USH1C: variants seen among roughly 807,000 people sequenced by gnomAD.
USH1C encodes USH1 protein network component harmonin.
In USH1C, 90 loss-of-function variants were observed where a neutral mutation model predicts 119.3. The observed-to-expected ratio is 0.75, with a 90% confidence interval of 0.64 to 0.90. The LOEUF is 0.90. Among genes scored for constraint, USH1C ranks in the 40% least tolerant of loss-of-function variants. The probability of loss-of-function intolerance (pLI) is 0.00; values close to 1 mark genes in which losing one functional copy is unlikely to be tolerated. For synonymous variants in USH1C, 465 were observed against 443.3 expected, an observed-to-expected ratio of 1.05 and a Z score of -0.62; for missense variants, 1,165 against 1,167.7, an observed-to-expected ratio of 1.00 and a Z score of 0.03.
intron 1 of USH1C, among the ~76,000 whole-genome samples, chr11:17,534,083 G>C (rs548679515): frequency 2.2e-4 from 33 of 152,362 alleles, no homozygotes; most frequent in African/African-American, 7.7e-4. Flanking sequence ...ACCTCAGTGT[G>C]AATCTCTACA....
rs886048058 is a variant in USH1C at position 17,494,192 on chromosome 11, G to A, written c.*140C>T. ...CCGAGCTGTTCCTTATCTGGCCCTG[G>A]TTCAGGGCCAAAGGGAGTTTGAGAT... On this transcript the variant is annotated 3_prime_UTR_variant, in exon 27 of 27. Transcript: ENST00000005226. 2 of 1,102,060 alleles carry A rather than the reference G, an allele frequency of 1.8e-6. No individual in the cohort carries two copies. Among genetic ancestry groups the A allele is most frequent in the African/African-American group, 1.6e-5 (1 of 64,054 alleles). The allele number at this position is 1,102,060 out of a possible 1,614,324, so 68.3% of individuals were successfully genotyped here.
At chr11:17,513,318 C>T (rs1211632647) in intron 15 of USH1C, among the ~76,000 whole-genome samples, 1 of 152,084 alleles carries the variant, frequency 6.6e-6, no homozygotes, top group Non-Finnish European at 1.5e-5. Flanking sequence ...AGGAGGAAAC[C>T]CCCTGTTCAC....
In USH1C at chr11:17,527,331, C is replaced by T. The variant is rs55843567; in HGVS notation, c.388G>A (p.Val130Ile). Residue 130 changes from valine (V) to isoleucine (I), a missense_variant and splice_region_variant, in exon 5 of 27, where the codon GTA (valine) becomes ATA (isoleucine). Coordinates refer to ENST00000005226, the MANE Select transcript of USH1C (RefSeq NM_153676.4). ...GGQADSVGLQVGDEIVRINGY... is the reference protein window; with the variant it reads ...GGQADSVGLQIGDEIVRINGY... ...TTGATCCGGACGATCTCGTCCCCTA[C>T]CTTGACCACAGAGAGAGGCAGGGAG... is the stretch of plus-strand genomic sequence containing the variant. 3,646 of 1,610,172 alleles carry T rather than the reference C, an allele frequency of 2.3e-3. 76 individuals carry two copies. In the African/African-American group the frequency reaches 0.044, roughly 20 times the overall value.
Position 17,531,322 on chromosome 11 carries a change from C to A in USH1C, c.249-30G>T. 1.2e-6 allele frequency: 2 copies of A among 1,614,110 alleles called. No homozygotes were observed. The highest frequency in any genetic ancestry group is 1.7e-6 in the Non-Finnish European group (2 of 1,180,020). On this transcript the variant is annotated intron_variant, in intron 3 of 26. Transcript: ENST00000005226. This position sits in a 1 kb window ranked among gnomAD's most constrained non-coding sequence, Gnocchi z 4.2. ...CACACAGGAGAGGTCGGTGATGGTG[C>A]AGCTTGGCTGCCAGCACTGCCCCGC...
rs1156833982 is a variant in USH1C at position 17,496,791 on chromosome 11, G to A, written c.2513C>T (p.Ala838Val). The change falls in exon 25 of 27, where the codon GCC becomes GTC. Residue 838 changes from alanine to valine, a missense_variant. Physicochemically the swap from Ala to Val is moderately conservative, Grantham distance 64. Coordinates refer to ENST00000005226, the MANE Select transcript of USH1C (RefSeq NM_153676.4). Reference protein sequence around the residue: ...QGGDWIDLVVAVCPPKEYDDE... With the variant: ...QGGDWIDLVVVVCPPKEYDDE... ...GTCATACTCCTTTGGGGGGCAGACG[G>A]CAACCACAAGGTCGATCCAGTCCTG... is the stretch of plus-strand genomic sequence containing the variant. The A allele has an allele frequency of 1.9e-6, 3 of 1,614,186 alleles. No individual in the cohort carries two copies. Among genetic ancestry groups the A allele is most frequent in the Non-Finnish European group, 2.5e-6 (3 of 1,180,008 alleles).
intron 18 of USH1C, among the ~76,000 whole-genome samples, chr11:17,507,948 C>G (rs1360471395): frequency 6.6e-6 from 1 of 152,186 alleles, no homozygotes; most frequent in African/African-American, 2.4e-5. Context: ...ATAGCAGAAG[C>G]CTGCCTGGGC....
At chr11:17,534,867 C>A (rs1851166035) in intron 1 of USH1C, among the ~76,000 whole-genome samples, 2 of 100,230 alleles carry the variant, frequency 2.0e-5, no homozygotes, top group Non-Finnish European at 2.2e-5. Flanking sequence ...GAGCGAGACT[C>A]CATCTCAAAA....
chr11:17,499,126 C>A (rs1591958032), intron 23 of USH1C, among the ~76,000 whole-genome samples: 1 of 152,346 alleles, frequency 6.6e-6, no homozygotes, highest in East Asian at 1.9e-4. Context: ...AAGAGGTAGA[C>A]AGATTGTGCG....
At chr11:17,507,728 G>T (rs554825020) in intron 18 of USH1C, among the ~76,000 whole-genome samples, 1 of 152,312 alleles carries the variant, frequency 6.6e-6, no homozygotes, top group South Asian at 2.1e-4. Flanking sequence ...CTAGTAAGTG[G>T]CACAGCCAGG....
chr11:17,531,814 C>T lies in USH1C; in HGVS notation c.105-272G>A, dbSNP rs113481352. 6.6e-6 allele frequency among the ~76,000 whole-genome samples: 1 copy of T among 152,222 alleles called. No individual in the cohort carries two copies. On this transcript the variant is annotated intron_variant, in intron 2 of 26. Coordinates refer to ENST00000005226, the MANE Select transcript of USH1C (RefSeq NM_153676.4). The surrounding 1 kb of genome is among the most constrained non-coding windows in gnomAD (Gnocchi z 4.2). ...GGATTTCAAACTCAGCGCTGCCTAT[C>T]TCGGCTGTTGGGATCTTTCCAGAGG...
At chr11:17,521,657 T>C (rs1401755874) in intron 12 of USH1C, among the ~76,000 whole-genome samples, 1 of 152,066 alleles carries the variant, frequency 6.6e-6, no homozygotes, top group East Asian at 1.9e-4. Flanking sequence ...CAGATCCATG[T>C]GAAGGCCACA....
intron 14 of USH1C, among the ~76,000 whole-genome samples, chr11:17,517,162 G>A (rs531797802): frequency 1.3e-5 from 2 of 152,298 alleles, no homozygotes; most frequent in Non-Finnish European, 2.9e-5. Flanking sequence ...AAATATTCGA[G>A]CCAGCGGTTC....
chr11:17,497,565 C>T (rs992571291), intron 24 of USH1C, among the ~76,000 whole-genome samples: 1 of 152,222 alleles, frequency 6.6e-6, no homozygotes, highest in African/African-American at 2.4e-5. Context: ...GTCCCAGGCC[C>T]ATCTGGTCAG....
rs779778068 is a variant in USH1C at position 17,531,144 on chromosome 11, G to A, written c.387+10C>T. Reference sequence around the variant, plus strand: ...CCTCGCTCCCCCTCCCCCGGACTCTGTTTGCTCACCTGGAGCCCGACGCTG... The same window carrying A: ...CCTCGCTCCCCCTCCCCCGGACTCTATTTGCTCACCTGGAGCCCGACGCTG... On this transcript the variant is annotated intron_variant, in intron 4 of 26. Transcript: ENST00000005226. This position sits in a 1 kb window ranked among gnomAD's most constrained non-coding sequence, Gnocchi z 4.2. The A allele has an allele frequency of 1.9e-6, 3 of 1,613,994 alleles. No homozygotes were observed. The highest frequency in any genetic ancestry group is 3.3e-5 in the Admixed American group (2 of 60,022).
chr11:17,495,478 A>T, intron 26 of USH1C, 91 bp downstream of exon 26: 1 of 1,334,762 alleles, frequency 7.5e-7, no homozygotes, highest in Non-Finnish European at 1.1e-6. Flanking sequence ...TCCAGACGCC[A>T]GTCCAAAGAA....
In USH1C at chr11:17,509,413, G is replaced by A. The variant is rs773963339; in HGVS notation, c.1956C>T (p.His652=). 6.2e-7 allele frequency: 1 copy of A among 1,604,756 alleles called. No homozygotes were observed. Among genetic ancestry groups the A allele is most frequent in the Non-Finnish European group, 8.5e-7 (1 of 1,173,574 alleles). The change falls in exon 18 of 27, where the codon CAC becomes CAT. Residue 652 remains histidine, a synonymous_variant. Transcript: ENST00000005226. ...NPVEDWEAKN[H]SGKPTNSPVP... is the part of the protein sequence containing the mutation. ...CAGGGGAGTTAGTGGGCTTCCCACTGTGGTTCTTTGCCTCCCAGTCCTCCA... is the reference window on the plus strand; with the variant it reads ...CAGGGGAGTTAGTGGGCTTCCCACTATGGTTCTTTGCCTCCCAGTCCTCCA...
intron 15 of USH1C, among the ~76,000 whole-genome samples, chr11:17,513,681 A>G (rs1850002668): frequency 6.6e-6 from 1 of 152,146 alleles, no homozygotes; most frequent in Non-Finnish European, 1.5e-5. Context: ...TGATAGATGA[A>G]TCCCTGCCAT....
Position 17,544,414 on chromosome 11 carries a change from G to C in USH1C, c.-107C>G. ...CGCGACCGGGCCAGCCGCCCTCGGA[G>C]CTGGGGGCGGGGCCTGAGCGCGGAG... On this transcript the variant is annotated 5_prime_UTR_variant, in exon 1 of 27. Coordinates refer to ENST00000005226, the MANE Select transcript of USH1C (RefSeq NM_153676.4). 2.0e-6 allele frequency: 3 copies of C among 1,521,264 alleles called. No homozygotes were observed. In the South Asian group the frequency reaches 3.5e-5, roughly 18 times the overall value. The allele number at this position is 1,521,264 out of a possible 1,614,324, so 94.2% of individuals were successfully genotyped here. A position where few individuals can be genotyped will look rare whatever the true frequency, so the allele number is the denominator to read the frequency against.
chr11:17,543,942 G>A lies in USH1C; in HGVS notation c.36+330C>T, dbSNP rs572340869. Among the ~76,000 whole-genome samples the A allele has an allele frequency of 3.0e-3, 450 of 152,344 alleles. 3 individuals are homozygous for A. Among genetic ancestry groups the A allele is most frequent in the African/African-American group, 9.2e-3 (383 of 41,584 alleles). ...GCTGGGGGCACTAGGAAGGAGAGGGGCTTGCCCACAAAGGGGGCACCTCAG... is the reference window on the plus strand; with the variant it reads ...GCTGGGGGCACTAGGAAGGAGAGGGACTTGCCCACAAAGGGGGCACCTCAG... On this transcript the variant is annotated intron_variant, in intron 1 of 26. Coordinates refer to ENST00000005226, the MANE Select transcript of USH1C (RefSeq NM_153676.4).
Sources: allele counts gnomAD v4.1 joint callset (sites outside exome capture counted in the v4.1 genomes callset), GRCh38; gene constraint gnomAD v4.1.1; non-coding constraint Gnocchi (gnomAD v3.1); transcripts MANE v1.5; gene names NCBI Gene and HGNC (gene_info 2026-07-23, HGNC 2026-07-21).